SMG6: variants seen among roughly 807,000 people sequenced by gnomAD.
SMG6 encodes the protein telomerase-binding protein EST1A.
A neutral mutation model predicts 142.2 loss-of-function variants in SMG6; 66 were observed. The observed-to-expected ratio is 0.46, with a 90% CI of 0.38 to 0.57. The LOEUF is 0.57. Ranked by LOEUF, SMG6 falls within the 20% of genes least tolerant of loss-of-function variation. SMG6 has a pLI of 0.00. For missense variants in SMG6, 1,793 were observed against 1,832.0 expected (o/e 0.98, Z 0.39); for synonymous variants, 779 against 702.4 (o/e 1.11, Z -1.72).
chr17:2,296,493 T>C (rs960470407), intron 4 of SMG6, among the ~76,000 whole-genome samples: 4 of 152,114 alleles, frequency 2.6e-5, no homozygotes, highest in Non-Finnish European at 5.9e-5. Flanking sequence ...CAGTCTCTGG[T>C]CTGAGCGGTG....
rs1025671682 is a variant in SMG6, at chr17:2,084,209, C to T, written c.3534+1516G>A. Among the ~76,000 whole-genome samples, 16 of 152,352 alleles carry T rather than the reference C, an allele frequency of 1.1e-4. No homozygotes were observed. The South Asian group carries it at 1.4e-3, about 14-fold the overall frequency. On this transcript the variant is annotated intron_variant, in intron 14 of 18. Transcript: ENST00000263073. The stretch of plus-strand genomic sequence containing the variant: ...TGGCTGTGCCCTCAGCCTGAAAGTG[C>T]GGGTGAAAGAGCTGACGGAGGCACT...
intron 11 of SMG6, 99 bp downstream of exon 11, chr17:2,188,300 T>A: frequency 1.1e-6 from 1 of 938,704 alleles, no homozygotes. Flanking sequence ...GAATGGAGAC[T>A]ACAGGGAGAA....
At chr17:2,175,287 C>T (rs1027936766) in intron 12 of SMG6, among the ~76,000 whole-genome samples, 6 of 152,158 alleles carry the variant, frequency 3.9e-5, no homozygotes, top group African/African-American at 1.2e-4. Flanking sequence ...GGCTTGGGGG[C>T]CCTGGTTGGT....
intron 10 of SMG6, among the ~76,000 whole-genome samples, chr17:2,225,332 A>G (rs1370374546): frequency 6.7e-6 from 1 of 150,302 alleles, no homozygotes; most frequent in African/African-American, 2.5e-5. Context: ...CAAAAAAAAG[A>G]AAAAAAGAAA....
intron 8 of SMG6, among the ~76,000 whole-genome samples, chr17:2,261,692 A>C (rs1567727656): frequency 1.3e-5 from 2 of 152,210 alleles, no homozygotes; most frequent in Non-Finnish European, 2.9e-5. Flanking sequence ...CTATATCCCC[A>C]GTGTACGGAT....
intron 4 of SMG6, among the ~76,000 whole-genome samples, chr17:2,295,438 A>T (rs2151403983): frequency 6.6e-6 from 1 of 152,324 alleles, no homozygotes; most frequent in South Asian, 2.1e-4. Context: ...CGCAGCCAAG[A>T]TGCTTAAAAG....
intron 13 of SMG6, among the ~76,000 whole-genome samples, chr17:2,120,792 A>G: frequency 6.6e-6 from 1 of 152,176 alleles, no homozygotes. Flanking sequence ...ATGATATATC[A>G]CCAGTCACCA....
rs895859463 is a variant in SMG6 at position 2,068,652 on chromosome 17, C to T, written c.3835+126G>A. On this transcript the variant is annotated intron_variant, in intron 16 of 18. Coordinates refer to ENST00000263073, the MANE Select transcript of SMG6 (RefSeq NM_017575.5). This position sits in a 1 kb window ranked among gnomAD's most constrained non-coding sequence, Gnocchi z 6.7. ...TCTTTGCCCCACGCGTTCCCTACTC[C>T]CCTGCAAATCCCATCTTACACACGC... 1.3e-5 allele frequency: 12 copies of T among 943,902 alleles called. No homozygotes were observed. In the African/African-American group the frequency reaches 1.6e-4, roughly 13 times the overall value. 58.5% of individuals were successfully genotyped at this position (943,902 alleles called of 1,614,324 possible).
At position 2,108,816 on chromosome 17, in the gene SMG6, C is replaced by T. The variant is rs972460905; in HGVS notation, c.3358-22915G>A. On this transcript the variant is annotated intron_variant, in intron 13 of 18. Coordinates refer to ENST00000263073, the MANE Select transcript of SMG6 (RefSeq NM_017575.5). ...AAAATTAGTCGCGCATGGTGGCGGG[C>T]GCCTGTAATCGCAGCTACTCGGGAG... 4.3e-4 allele frequency among the ~76,000 whole-genome samples: 65 copies of T among 151,874 alleles called. 1 individual carries two copies. The highest frequency in any genetic ancestry group is 1.4e-3 in the African/African-American group (60 of 41,414).
At chr17:2,262,784 A>G (rs56043407) in intron 8 of SMG6, among the ~76,000 whole-genome samples, 39,306 of 152,006 alleles carry the variant, frequency 0.26, 6,562 homozygotes, top group Admixed American at 0.35. Flanking sequence ...GACCAACATC[A>G]CTTACTTTTC....
chr17:2,256,611 A>G (rs1363473800), intron 8 of SMG6, among the ~76,000 whole-genome samples: 5 of 152,086 alleles, frequency 3.3e-5, no homozygotes, highest in Admixed American at 3.3e-4. Flanking sequence ...AAAAATAAAA[A>G]TAAAATAAAA....
chr17:2,232,562 T>G (rs768078945), intron 10 of SMG6: 1 of 152,248 alleles, frequency 6.6e-6, no homozygotes, highest in Non-Finnish European at 1.5e-5. Context: ...CCAGGCCCTA[T>G]GCCAAGGCCC....
At chr17:2,220,207 T>A (rs1216620773) in intron 10 of SMG6, among the ~76,000 whole-genome samples, 4 of 152,174 alleles carry the variant, frequency 2.6e-5, no homozygotes, top group Non-Finnish European at 1.5e-5. Flanking sequence ...CTTGGCCTAT[T>A]CTAATAAAAC....
intron 13 of SMG6, among the ~76,000 whole-genome samples, chr17:2,142,606 G>A (rs754447828): frequency 6.6e-5 from 10 of 152,050 alleles, no homozygotes; most frequent in East Asian, 5.8e-4. Flanking sequence ...AAATATGGCC[G>A]GGCACAGTGG....
intron 13 of SMG6, among the ~76,000 whole-genome samples, chr17:2,100,128 C>A (rs2068965829): frequency 6.6e-6 from 1 of 151,668 alleles, no homozygotes; most frequent in South Asian, 2.1e-4. Context: ...ATCTCCACCT[C>A]CCAGATCTAA....
At chr17:2,162,180 T>C (rs1262690901) in intron 13 of SMG6, among the ~76,000 whole-genome samples, 1 of 152,110 alleles carries the variant, frequency 6.6e-6, no homozygotes, top group Non-Finnish European at 1.5e-5. Context: ...CAAAGTACAT[T>C]ACAAAACAAA....
intron 10 of SMG6, among the ~76,000 whole-genome samples, chr17:2,218,545 CA>C (rs1044424953): frequency 6.6e-6 from 1 of 150,914 alleles, no homozygotes; most frequent in Non-Finnish European, 1.5e-5. Context: ...GACTCCGTCT[CA>C]AAAAAAAAGA....
chr17:2,110,081 CAAAAAAAAAAAAAAA>C (rs57135671), intron 13 of SMG6, among the ~76,000 whole-genome samples: 1 of 87,990 alleles, frequency 1.1e-5, no homozygotes, highest in Admixed American at 1.2e-4. Flanking sequence ...GATTCCATCT[CAAAAAAAAAAAAAAA>C]AAAAAAAAAG....
chr17:2,131,347 G>C (rs969231903), intron 13 of SMG6, among the ~76,000 whole-genome samples: 2 of 151,324 alleles, frequency 1.3e-5, no homozygotes, highest in Non-Finnish European at 2.9e-5. Context: ...CCAGGCTAGA[G>C]TGCAGTGGTG....
Sources: gnomAD v4.1 joint callset for allele counts (sites outside exome capture counted in the v4.1 genomes callset) on GRCh38, gnomAD v4.1.1 for gene constraint, Gnocchi (gnomAD v3.1) non-coding constraint, MANE v1.5 for transcripts, NCBI Gene and HGNC (gene_info 2026-07-23, HGNC 2026-07-21) for gene names.